Variants in TECR observed in about 807,000 individuals in gnomAD.
The protein encoded by TECR is trans-2,3-enoyl-CoA reductase.
In TECR, 19 loss-of-function variants were observed where a neutral mutation model predicts 50.6. The ratio of observed to expected loss-of-function variants is 0.38; its 90% confidence interval spans 0.26 to 0.55. The LOEUF (loss-of-function observed/expected upper bound fraction) is 0.55. TECR is among the 20% of genes least tolerant of loss of function. The probability of loss-of-function intolerance (pLI) is 0.79; values close to 1 mark genes in which losing one functional copy is unlikely to be tolerated. For missense variants in TECR, 313 were observed against 408.3 expected (o/e 0.77, Z 2.01); for synonymous variants, 168 against 163.5 (o/e 1.03, Z -0.21).
intron 1 of TECR, among the ~76,000 whole-genome samples, chr19:14,554,733 C>T (rs1568419277): frequency 6.6e-6 from 1 of 152,112 alleles, no homozygotes; most frequent in Non-Finnish European, 1.5e-5. Context: ...AGGCCACACC[C>T]ACTCTTCACC....
intron 1 of TECR, among the ~76,000 whole-genome samples, chr19:14,551,926 C>T (rs1288513676): frequency 4.3e-5 from 5 of 116,860 alleles, no homozygotes; most frequent in Admixed American, 1.7e-4. Flanking sequence ...TCCCTCCCTC[C>T]CTCTCTCTCT....
chr19:14,549,428 G>A (rs2073418847), intron 1 of TECR, among the ~76,000 whole-genome samples: 1 of 151,948 alleles, frequency 6.6e-6, no homozygotes, highest in Non-Finnish European at 1.5e-5. Context: ...GGCCAGGCTA[G>A]TCTTGAACTC....
chr19:14,547,073 G>C (rs765939867), intron 1 of TECR, among the ~76,000 whole-genome samples: 53 of 152,104 alleles, frequency 3.5e-4, no homozygotes, highest in Non-Finnish European at 7.2e-4. Context: ...ATTATAATAA[G>C]ATCCTATGAA....
In TECR at chr19:14,551,912, C is replaced by CCCCT. The variant is rs1181039456; in HGVS notation, c.16-10599_16-10596dup. On this transcript the variant is annotated intron_variant, in intron 1 of 12. Coordinates refer to ENST00000215567, the MANE Select transcript of TECR (RefSeq NM_138501.6). ...TCTTTCCTTTCTCTCTCTCTCTCTC[C>CCCCT]CCCTCCCTCCCTCCCTCTCTCTCTC... Among the ~76,000 whole-genome samples, 43 of 124,590 alleles carry CCCCT rather than the reference C, an allele frequency of 3.5e-4. No homozygotes were observed. The East Asian group carries it at 9.4e-3, about 27-fold the overall frequency. The allele number at this position is 124,590 out of a possible 152,430, so 81.7% of individuals were successfully genotyped here. A position where few individuals can be genotyped will look rare whatever the true frequency, so the allele number is the denominator to read the frequency against.
rs1263853898 is a variant in TECR, at chr19:14,557,124, T to A, written c.16-5401T>A. ...TAGTGTTGGTCTAATCTTATTTATT[T>A]ATTTATTTATTTATTTATTTATTTA... is the stretch of plus-strand genomic sequence containing the variant. On this transcript the variant is annotated intron_variant, in intron 1 of 12. Transcript: ENST00000215567. Among the ~76,000 whole-genome samples, 414 of 142,672 alleles carry A rather than the reference T, an allele frequency of 2.9e-3. 4 individuals carry two copies. Among genetic ancestry groups the A allele is most frequent in the African/African-American group, 0.011 (398 of 36,956 alleles). 93.6% of individuals were successfully genotyped at this position (142,672 alleles called of 152,430 possible).
chr19:14,538,250 G>C (rs1246673681), intron 1 of TECR, among the ~76,000 whole-genome samples: 1 of 152,150 alleles, frequency 6.6e-6, no homozygotes, highest in Non-Finnish European at 1.5e-5. Flanking sequence ...AAAGAATCAA[G>C]TGTGTGGTGG....
intron 1 of TECR, among the ~76,000 whole-genome samples, chr19:14,559,437 TAGCGTAACTTATTTCTTTTACC>T (rs1022430428): frequency 2.0e-5 from 3 of 152,176 alleles, no homozygotes; most frequent in Non-Finnish European, 4.4e-5. Context: ...GCTTGTTTCC[TAGCGTAACTTATTTCTTTTACC>T]CCACCTGGAA....
chr19:14,544,198 C>T (rs1329929491), intron 1 of TECR, among the ~76,000 whole-genome samples: 1 of 151,916 alleles, frequency 6.6e-6, no homozygotes, highest in African/African-American at 2.4e-5. Context: ...GAAGCCTCTG[C>T]CCCTGACTCA....
Position 14,562,547 on chromosome 19 carries a change from C to G in TECR, c.38C>G (p.Thr13Arg). 6.2e-7 allele frequency: 1 copy of G among 1,614,222 alleles called. No individual in the cohort carries two copies. Among genetic ancestry groups the G allele is most frequent in the Non-Finnish European group, 8.5e-7 (1 of 1,180,012 alleles). Residue 13 changes from threonine (T) to arginine (R), a missense_variant, in exon 2 of 13, where the codon ACA (threonine) becomes AGA (arginine). Transcript: ENST00000215567. ...GAGGTGGAGATTCTGGACGCAAAGACAAGGGAGAAGCTGTGTTTCTTGGAC... is the reference window on the plus strand; with the variant it reads ...GAGGTGGAGATTCTGGACGCAAAGAGAAGGGAGAAGCTGTGTTTCTTGGAC... ...HYEVEILDAK[T>R]REKLCFLDKV...
chr19:14,542,347 GTTTTTTTTTTT>G (rs71166754), intron 1 of TECR, among the ~76,000 whole-genome samples: 994 of 43,306 alleles, frequency 0.023, 20 homozygotes, highest in South Asian at 0.13. Context: ...ATGCCATAGT[GTTTTTTTTTTT>G]TTTTTTTTTT....
intron 1 of TECR, among the ~76,000 whole-genome samples, chr19:14,542,447 C>T (rs867155691): frequency 1.3e-5 from 2 of 148,270 alleles, no homozygotes; most frequent in Non-Finnish European, 1.5e-5. Flanking sequence ...CTGCAACCTC[C>T]GCCTCCCGGG....
At position 14,564,167 on chromosome 19, in the gene TECR, G is replaced by GC. The variant is rs2073988651; in HGVS notation, c.384-14dup. On this transcript the variant is annotated splice_polypyrimidine_tract_variant and intron_variant, in intron 6 of 12. Transcript: ENST00000215567. ...TGCCGGACCAGCCCCAGCTGAGCCT[G>GC]CTCCCCCCGACCAGCCTCGCCTGCA... 6.2e-7 allele frequency: 1 copy of GC among 1,606,246 alleles called. No individual in the cohort carries two copies. Among genetic ancestry groups the GC allele is most frequent in the Admixed American group, 1.7e-5 (1 of 59,968 alleles).
intron 1 of TECR, among the ~76,000 whole-genome samples, chr19:14,550,493 T>C (rs1475961381): frequency 6.6e-6 from 1 of 152,056 alleles, no homozygotes; most frequent in Non-Finnish European, 1.5e-5. Flanking sequence ...AGCTTCCTGG[T>C]CCGACAGCGC....
chr19:14,555,022 C>T (rs531300047), intron 1 of TECR, among the ~76,000 whole-genome samples: 1 of 151,728 alleles, frequency 6.6e-6, no homozygotes, highest in South Asian at 2.1e-4. Context: ...TGTGATCTGC[C>T]CACGTCCGCC....
chr19:14,556,425 CAAAA>C (rs919208160), intron 1 of TECR, among the ~76,000 whole-genome samples: 1 of 150,252 alleles, frequency 6.7e-6, no homozygotes, highest in African/African-American at 2.5e-5. Context: ...AAAACAAAAA[CAAAA>C]AAAACCACAT....
chr19:14,544,381 A>G (rs574177613), intron 1 of TECR, among the ~76,000 whole-genome samples: 2 of 152,138 alleles, frequency 1.3e-5, no homozygotes, highest in South Asian at 4.1e-4. Flanking sequence ...GATAGAGGCC[A>G]CTGTCTTACG....
At chr19:14,531,303 C>G (rs539478267) in intron 1 of TECR, 1 of 152,116 alleles carries the variant, frequency 6.6e-6, no homozygotes, top group African/African-American at 2.4e-5. Flanking sequence ...TCCCAAAGTA[C>G]TGGGATTACA....
intron 2 of TECR, 81 bp downstream of exon 2, chr19:14,562,656 T>C (rs1192442610): frequency 6.6e-7 from 1 of 1,526,058 alleles, no homozygotes; most frequent in Non-Finnish European, 9.1e-7. Flanking sequence ...AGCTGTCCAG[T>C]GGGGCCCTTT....
Position 14,565,758 on chromosome 19 carries a change from C to T in TECR, c.814C>T (p.Leu272=). 1 of 1,612,030 alleles carries T rather than the reference C, an allele frequency of 6.2e-7. No individual in the cohort carries two copies. Among genetic ancestry groups the T allele is most frequent in the Non-Finnish European group, 8.5e-7 (1 of 1,179,646 alleles). The change falls in exon 13 of 13, where the codon CTG becomes TTG. Residue 272 remains leucine, a synonymous_variant. Coordinates refer to ENST00000215567, the MANE Select transcript of TECR (RefSeq NM_138501.6). ...CTTTCCTGCAGTGGCCCTGTTCTCC[C>T]TGGTGGGCTTCACCCAGATGACCAT... ...TQCLPVALFS[L]VGFTQMTIWA...
Sources: allele counts gnomAD v4.1 joint callset (sites outside exome capture counted in the v4.1 genomes callset), GRCh38; gene constraint gnomAD v4.1.1; transcripts MANE v1.5; gene names NCBI Gene and HGNC (gene_info 2026-07-23, HGNC 2026-07-21).